WDR1: variants seen among roughly 807,000 people sequenced by gnomAD.
WDR1 encodes the protein WD repeat-containing protein 1.
Under a neutral mutation model 71.9 loss-of-function variants are expected in WDR1, and 21 were observed. The observed-to-expected ratio is 0.29, with a 90% CI of 0.21 to 0.42. The LOEUF is 0.42. Among genes scored for constraint, WDR1 ranks in the 10% least tolerant of loss-of-function variants. The pLI, the probability that WDR1 is intolerant of heterozygous loss-of-function variation, is 1.00. For synonymous variants in WDR1, 424 were observed against 347.4 expected (o/e 1.22, Z -2.45); for missense variants, 696 against 824.5 (o/e 0.84, Z 1.91).
intron 14 of WDR1, 124 bp downstream of exon 14, chr4:10,077,180 C>T: frequency 2.3e-6 from 3 of 1,306,924 alleles, no homozygotes; most frequent in East Asian, 5.0e-5. Flanking sequence ...TCTTCCGGGC[C>T]ACCTGTCTAG....
Position 10,097,790 on chromosome 4 carries a change from T to C in WDR1, c.479A>G (p.Tyr160Cys), listed in dbSNP as rs749116596. 11 of 1,613,666 alleles carry C rather than the reference T, an allele frequency of 6.8e-6. No individual in the cohort carries two copies. In the South Asian group the frequency reaches 1.2e-4, roughly 18 times the overall value. ...ATCATCGCTTCCCGTGGCCAGCCGG[T>C]ATGGCCGGCTCTGCTTGATGTCCAC... Reference protein sequence around the residue: ...NSVDIKQSRPYRLATGSDDNC... With the variant: ...NSVDIKQSRPCRLATGSDDNC... The change falls in exon 5 of 15, where the codon TAC becomes TGC. Residue 160 changes from tyrosine (Y) to cysteine (C), a missense_variant. Physicochemically the swap from Tyr to Cys is radical, Grantham distance 194 (BLOSUM62 -2). Transcript: ENST00000499869.
intron 2 of WDR1, among the ~76,000 whole-genome samples, chr4:10,110,250 G>A (rs372636106): frequency 3.0e-4 from 46 of 152,266 alleles, no homozygotes; most frequent in African/African-American, 1.0e-3. Context: ...CTGAGACGGC[G>A]AAGAGACGCA....
intron 11 of WDR1, among the ~76,000 whole-genome samples, chr4:10,079,541 C>A (rs1394220934): frequency 1.3e-5 from 2 of 152,240 alleles, no homozygotes; most frequent in African/African-American, 4.8e-5. Flanking sequence ...CGCACTGGGC[C>A]TTTGCCTCTG....
At chr4:10,105,891 C>G (rs1407709819) in intron 2 of WDR1, among the ~76,000 whole-genome samples, 1 of 152,150 alleles carries the variant, frequency 6.6e-6, no homozygotes, top group Non-Finnish European at 1.5e-5. Flanking sequence ...AACAGGTGAA[C>G]AGAGAAACAG....
At chr4:10,114,627 C>A (rs1713597514) in intron 2 of WDR1, among the ~76,000 whole-genome samples, 1 of 152,254 alleles carries the variant, frequency 6.6e-6, no homozygotes, top group African/African-American at 2.4e-5. Flanking sequence ...ATTTGCCAAA[C>A]TACTAAATAT....
chr4:10,083,650 C>T (rs780616552), intron 9 of WDR1: 23 of 480,286 alleles, frequency 4.8e-5, no homozygotes, highest in Middle Eastern at 3.2e-4. Context: ...CAACACAGCA[C>T]GGTGCTCAGG....
intron 2 of WDR1, among the ~76,000 whole-genome samples, chr4:10,114,777 G>A (rs1713607481): frequency 6.6e-6 from 1 of 152,206 alleles, no homozygotes; most frequent in South Asian, 2.1e-4. Flanking sequence ...GAATCTGTGT[G>A]ACTAGCAAGT....
intron 14 of WDR1, 107 bp downstream of exon 14, chr4:10,077,197 A>C (rs1578412716): frequency 1.4e-6 from 2 of 1,426,108 alleles, no homozygotes; most frequent in East Asian, 4.8e-5. Context: ...CTAGAAGCAC[A>C]GAGGCTACTT....
intron 4 of WDR1, among the ~76,000 whole-genome samples, chr4:10,098,223 T>TA (rs560705307): frequency 7.9e-5 from 12 of 152,276 alleles, no homozygotes; most frequent in Admixed American, 7.2e-4. Flanking sequence ...AGGGAACAGT[T>TA]ACCATCCCCT....
At chr4:10,080,792 G>A (rs376727086) in intron 11 of WDR1, among the ~76,000 whole-genome samples, 35 of 152,338 alleles carry the variant, frequency 2.3e-4, no homozygotes, top group African/African-American at 7.9e-4. Context: ...AAGCCAGGCC[G>A]GGAAGTCAGG....
At chr4:10,115,874 T>A (rs1309205392) in intron 2 of WDR1, 10 of 529,114 alleles carry the variant, frequency 1.9e-5, no homozygotes, top group Admixed American at 3.5e-5. Context: ...CAGGGTGCTA[T>A]GACCGTAGAC....
At chr4:10,080,930 G>A (rs1764990937) in intron 11 of WDR1, among the ~76,000 whole-genome samples, 1 of 152,214 alleles carries the variant, frequency 6.6e-6, no homozygotes, top group African/African-American at 2.4e-5. Context: ...ATCTGTGAGT[G>A]CTGGGGATGG....
chr4:10,085,583 C>T (rs1485615065), intron 8 of WDR1, among the ~76,000 whole-genome samples: 5 of 152,334 alleles, frequency 3.3e-5, no homozygotes, highest in African/African-American at 9.6e-5. Flanking sequence ...AACGTGCACT[C>T]GGCAAGAGGC....
rs971629667 is a variant in WDR1 at position 10,116,615 on chromosome 4, G to A, written c.16+36C>T. ...CCGGGGACCGGGGCCGGGGCAGCGC[G>A]GCGGCCGCTCGGGGGCCCCGCGCCG... On this transcript the variant is annotated intron_variant, in intron 1 of 14. Transcript: ENST00000499869. The A allele has an allele frequency of 3.0e-5, 36 of 1,207,836 alleles. No individual in the cohort carries two copies. In the African/African-American group the frequency reaches 5.7e-4, roughly 19 times the overall value. The allele number at this position is 1,207,836 out of a possible 1,614,324, so 74.8% of individuals were successfully genotyped here. A position where few individuals can be genotyped will look rare whatever the true frequency, so the allele number is the denominator to read the frequency against.
At chr4:10,077,522 C>T (rs540004623) in intron 13 of WDR1, 74 bp from the exon 14 acceptor site, 6 of 1,598,862 alleles carry the variant, frequency 3.8e-6, no homozygotes, top group Admixed American at 1.7e-5. Context: ...CCTCGCTTAT[C>T]CCTCATGGCG....
intron 2 of WDR1, among the ~76,000 whole-genome samples, chr4:10,114,558 G>C (rs1023777971): frequency 4.6e-5 from 7 of 152,236 alleles, no homozygotes; most frequent in Admixed American, 2.6e-4. Flanking sequence ...GGAAGGCCTG[G>C]TTAGGGGCAA....
At chr4:10,094,463 G>A (rs778139257) in intron 5 of WDR1, among the ~76,000 whole-genome samples, 3 of 152,214 alleles carry the variant, frequency 2.0e-5, no homozygotes, top group Admixed American at 2.0e-4. Flanking sequence ...TATCCCAGGA[G>A]CCTGCCTGGC....
chr4:10,092,636 A>G (rs1712070446), intron 5 of WDR1: 2 of 232,822 alleles, frequency 8.6e-6, no homozygotes, highest in Admixed American at 1.0e-4. Flanking sequence ...CGAGCCAAGG[A>G]GTCCAAATGC....
intron 11 of WDR1, among the ~76,000 whole-genome samples, chr4:10,080,694 C>A (rs561226690): frequency 6.6e-6 from 1 of 152,346 alleles, no homozygotes; most frequent in South Asian, 2.1e-4. Context: ...GGGCAGAATT[C>A]TGTATAAAGT....
Sources: allele counts gnomAD v4.1 joint callset (sites outside exome capture counted in the v4.1 genomes callset), GRCh38; gene constraint gnomAD v4.1.1; transcripts MANE v1.5; gene names NCBI Gene and HGNC (gene_info 2026-07-23, HGNC 2026-07-21).